FBN3: variants seen among roughly 807,000 people sequenced by gnomAD.
The protein encoded by FBN3 is fibrillin-3.
A neutral mutation model predicts 330.1 loss-of-function variants in FBN3; 234 were observed. The ratio of observed to expected loss-of-function variants is 0.71; its 90% CI spans 0.64 to 0.79. The LOEUF is 0.79. FBN3 is among the 30% of genes least tolerant of loss of function. The pLI is 0.00. For synonymous variants in FBN3, 1,458 were observed against 1,517.3 expected, an observed-to-expected ratio of 0.96 and a Z score of 0.91; for missense variants, 3,606 against 3,886.9, an observed-to-expected ratio of 0.93 and a Z score of 1.92.
chr19:8,072,994 TGTGTGTGTGC>T (rs1461529170), intron 62 of FBN3, 59 bp downstream of exon 62: 50 of 888,778 alleles, frequency 5.6e-5, no homozygotes, highest in South Asian at 4.4e-5. Context: ...TGTGTGTGTG[TGTGTGTGTGC>T]GTGCGTGCAT....
In FBN3 at chr19:8,139,597, G is replaced by A. The variant is rs554900082; in HGVS notation, c.866-1033C>T. Among the ~76,000 whole-genome samples the A allele has an allele frequency of 1.6e-4, 25 of 151,852 alleles. No individual in the cohort carries two copies. In the East Asian group the frequency reaches 3.5e-3, roughly 21 times the overall value. On this transcript the variant is annotated intron_variant, in intron 8 of 63. Transcript: ENST00000600128. ...CTTCAGGCATTATGCAGAAGCCTAC[G>A]AGACTGTGAATTTCAGAGAGGGGCC...
In FBN3 at chr19:8,065,694, G is replaced by A. The variant is rs752052742; in HGVS notation, c.*225C>T. 3.7e-6 allele frequency: 2 copies of A among 542,288 alleles called. No individual in the cohort carries two copies. The highest frequency in any genetic ancestry group is 6.5e-6 in the Non-Finnish European group (2 of 308,702). 33.6% of individuals were successfully genotyped at this position (542,288 alleles called of 1,614,324 possible). ...TGTGGGGGCAGGGGGATTGCACATTGCAGCTTCTTGCTGTCTCCAGGAAAG... is the reference window on the plus strand; with the variant it reads ...TGTGGGGGCAGGGGGATTGCACATTACAGCTTCTTGCTGTCTCCAGGAAAG... On this transcript the variant is annotated 3_prime_UTR_variant, in exon 64 of 64. Transcript: ENST00000600128.
chr19:8,083,807 T>C (rs1332409024), intron 56 of FBN3, among the ~76,000 whole-genome samples: 1 of 142,788 alleles, frequency 7.0e-6, no homozygotes, highest in Non-Finnish European at 1.6e-5. Context: ...TATTTTTTCT[T>C]TTTTTTTTTT....
At chr19:8,122,779 C>T (rs1336997892) in intron 24 of FBN3, among the ~76,000 whole-genome samples, 1 of 151,904 alleles carries the variant, frequency 6.6e-6, no homozygotes, top group Non-Finnish European at 1.5e-5. Flanking sequence ...ATTCTCCTGC[C>T]TCAGCCTCCC....
At chr19:8,138,937 C>T (rs1337722542) in intron 8 of FBN3, among the ~76,000 whole-genome samples, 2 of 152,100 alleles carry the variant, frequency 1.3e-5, no homozygotes, top group Admixed American at 6.6e-5. Flanking sequence ...ATCACAGCTA[C>T]TTGGGAGGCT....
At chr19:8,122,388 A>G (rs2082872659) in intron 24 of FBN3, among the ~76,000 whole-genome samples, 1 of 151,972 alleles carries the variant, frequency 6.6e-6, no homozygotes, top group Non-Finnish European at 1.5e-5. Flanking sequence ...TATATTTGAG[A>G]CACAGTCTCG....
In FBN3 at chr19:8,096,403, G is replaced by A; in HGVS notation, c.5539+41C>T. On this transcript the variant is annotated intron_variant, in intron 44 of 63. Coordinates refer to ENST00000600128, the MANE Select transcript of FBN3 (RefSeq NM_032447.5). The surrounding 1 kb of genome is among the most constrained non-coding windows in gnomAD (Gnocchi z 4.6). ...ATCCCAGGGGAGGTTTAGACCCCAG[G>A]CAGCCTGGCTTGAAAAGGAGGGGGA... 6.3e-7 allele frequency: 1 copy of A among 1,595,166 alleles called. No individual in the cohort carries two copies. The highest frequency in any genetic ancestry group is 1.7e-5 in the Admixed American group (1 of 58,384).
At position 8,086,201 on chromosome 19, in the gene FBN3, G is replaced by A. The variant is rs201908648; in HGVS notation, c.6879C>T (p.His2293=). The change falls in exon 55 of 64, where the codon CAC becomes CAT. Residue 2293 remains histidine, a splice_region_variant and synonymous_variant. Coordinates refer to ENST00000600128, the MANE Select transcript of FBN3 (RefSeq NM_032447.5). ...FQPSPTLTEC[H]DIRQGPCFAE... is the part of the protein sequence containing the mutation. ...CTGTGCGTGTCCAGCCACACTCACC[G>A]TGGCACTCGGTAAGGGTGGGGCTGG... is the stretch of plus-strand genomic sequence containing the variant. 2.4e-5 allele frequency: 38 copies of A among 1,599,516 alleles called. No homozygotes were observed. The highest frequency in any genetic ancestry group is 9.4e-5 in the African/African-American group (7 of 74,370).
rs768212719 is a variant in FBN3 at position 8,126,807 on chromosome 19, C to T, written c.2322G>A (p.Pro774=). The change falls in exon 19 of 64, where the codon CCG becomes CCA. Residue 774 remains proline, a synonymous_variant. Transcript: ENST00000600128. ...CKDVDECLSS[P]CVSGVCRNLA... ...GGTTCCGACAGACGCCACTCACACACGGGCTGGACAGGCATTCGTCGACAT... is the reference window on the plus strand; with the variant it reads ...GGTTCCGACAGACGCCACTCACACATGGGCTGGACAGGCATTCGTCGACAT... The T allele has an allele frequency of 3.2e-5, 50 of 1,578,046 alleles. No homozygotes were observed. Among genetic ancestry groups the T allele is most frequent in the Non-Finnish European group, 3.7e-5 (43 of 1,165,844 alleles).
At chr19:8,144,838 G>A (rs537297475) in intron 6 of FBN3, 39 bp downstream of exon 6, 16 of 1,504,482 alleles carry the variant, frequency 1.1e-5, no homozygotes, top group Middle Eastern at 1.7e-4. Context: ...TTCCTCCATC[G>A]AGTCCCCTGT....
At chr19:8,128,924 A>T in intron 18 of FBN3, 104 bp downstream of exon 18, 1 of 1,377,828 alleles carries the variant, frequency 7.3e-7, no homozygotes, top group South Asian at 1.4e-5. Flanking sequence ...GGTAACATGT[A>T]AGCATCTTTG....
In FBN3 at chr19:8,131,866, C is replaced by T. The variant is rs1184881835; in HGVS notation, c.1715-37G>A. On this transcript the variant is annotated intron_variant, in intron 14 of 63. Coordinates refer to ENST00000600128, the MANE Select transcript of FBN3 (RefSeq NM_032447.5). This position sits in a 1 kb window ranked among gnomAD's most constrained non-coding sequence, Gnocchi z 4.5. The stretch of plus-strand genomic sequence containing the variant: ...GTGGCGGCACGGGGATGGGTTCCAG[C>T]GTGCTCCCTTCCTCTCTCCCCTCCC... 4.6e-6 allele frequency: 7 copies of T among 1,521,570 alleles called. No homozygotes were observed. Among genetic ancestry groups the T allele is most frequent in the Middle Eastern group, 1.8e-4 (1 of 5,470 alleles). The allele number at this position is 1,521,570 out of a possible 1,614,324, so 94.3% of individuals were successfully genotyped here.
intron 4 of FBN3, 44 bp from the exon 5 acceptor site, chr19:8,145,982 C>T: frequency 6.6e-7 from 1 of 1,517,258 alleles, no homozygotes; most frequent in Non-Finnish European, 9.0e-7. Context: ...GGAGATGGGC[C>T]CCGAGATGCC....
chr19:8,135,936 G>GGGCACCC, intron 13 of FBN3, 25 bp downstream of exon 13: 1 of 668,778 alleles, frequency 1.5e-6, no homozygotes, highest in Non-Finnish European at 2.4e-6. Context: ...GGAAGCCCCT[G>GGGCACCC]CCCACCCGCC....
rs201458670 is a variant in FBN3, at chr19:8,136,193, C to T, written c.1462G>A (p.Val488Met). ...FQATPTRQAC[V>M]DVDECIVSGG... ...ACTCTTGGATGGACAGCCGTACCCACGCATGCCTGCCTGGTGGGCGTGGCC... is the reference window on the plus strand; with the variant it reads ...ACTCTTGGATGGACAGCCGTACCCATGCATGCCTGCCTGGTGGGCGTGGCC... The change falls in exon 12 of 64, where the codon GTG becomes ATG. Residue 488 changes from valine to methionine, a missense_variant. By Grantham distance (21) the Val-to-Met change is conservative (BLOSUM62 1). Transcript: ENST00000600128. The T allele has an allele frequency of 4.3e-6, 7 of 1,613,622 alleles. No homozygotes were observed. The highest frequency in any genetic ancestry group is 2.2e-5 in the East Asian group (1 of 44,878).
intron 63 of FBN3, among the ~76,000 whole-genome samples, chr19:8,068,403 AAT>A (rs1491310860): frequency 6.6e-6 from 1 of 151,062 alleles, no homozygotes; most frequent in East Asian, 2.0e-4. Flanking sequence ...AAAAAAAAAA[AAT>A]CAATAAATAG....
Position 8,146,098 on chromosome 19 carries a change from C to T in FBN3, c.349+29G>A, listed in dbSNP as rs367619907. On this transcript the variant is annotated intron_variant, in intron 4 of 63. Coordinates refer to ENST00000600128, the MANE Select transcript of FBN3 (RefSeq NM_032447.5). ...ACCAGAACCCTGTGAACTTCTTCTC[C>T]CTCCCGCAAGAGGCCGCTTCCCGCT... The T allele has an allele frequency of 6.9e-4, 1,078 of 1,556,796 alleles. 1 individual carries two copies. Among genetic ancestry groups the T allele is most frequent in the Non-Finnish European group, 8.5e-4 (977 of 1,149,334 alleles).
At chr19:8,116,645 C>A in intron 29 of FBN3, 29 bp downstream of exon 29, 2 of 1,594,344 alleles carry the variant, frequency 1.3e-6, no homozygotes, top group South Asian at 2.2e-5. Context: ...CTCCTCCACC[C>A]GCCCCGCCCC....
rs1328683574 is a variant in FBN3, at chr19:8,109,626, C to T, written c.4456+5G>A. ...ACCCTGATCTGGAGTTGAGCATGGA[C>T]TCACCCACGCAGCCCACTCCGCTGG... On this transcript the variant is annotated splice_donor_5th_base_variant and intron_variant, in intron 35 of 63. Transcript: ENST00000600128. This position sits in a 1 kb window ranked among gnomAD's most constrained non-coding sequence, Gnocchi z 5.2. 1 of 1,593,154 alleles carries T rather than the reference C, an allele frequency of 6.3e-7. No individual in the cohort carries two copies. The highest frequency in any genetic ancestry group is 1.3e-5 in the African/African-American group (1 of 74,560).
Sources: gnomAD v4.1 joint callset for allele counts (sites outside exome capture counted in the v4.1 genomes callset) on GRCh38, gnomAD v4.1.1 for gene constraint, Gnocchi (gnomAD v3.1) non-coding constraint, MANE v1.5 for transcripts, NCBI Gene and HGNC (gene_info 2026-07-23, HGNC 2026-07-21) for gene names.